The following YBX3 variants were observed in gnomAD, a reference collection of about 807,000 sequenced individuals.
YBX3 encodes the protein Y-box-binding protein 3.
In YBX3, 29 loss-of-function variants were observed where a neutral mutation model predicts 42.4. That is an observed-to-expected ratio of 0.68 (90% CI 0.51 to 0.93). The LOEUF (loss-of-function observed/expected upper bound fraction) is 0.93, where lower values mean the gene tolerates loss of function less well. YBX3 is among the 40% of genes least tolerant of loss of function. The pLI is 0.00. For missense variants in YBX3, 517 were observed against 527.5 expected (o/e 0.98, Z 0.19); for synonymous variants, 195 against 189.8 (o/e 1.03, Z -0.22).
In YBX3 at chr12:10,723,147, G is replaced by T. The variant is rs1264043487; in HGVS notation, c.-36C>A. 10 of 1,191,626 alleles carry T rather than the reference G, an allele frequency of 8.4e-6. No individual in the cohort carries two copies. Among genetic ancestry groups the T allele is most frequent in the African/African-American group, 3.2e-5 (2 of 62,518 alleles). The allele number at this position is 1,191,626 out of a possible 1,614,324, so 73.8% of individuals were successfully genotyped here. On this transcript the variant is annotated 5_prime_UTR_variant, in exon 1 of 10. Transcript: ENST00000228251. ...CCTCTGCTCTCGCTCAGGCGCCTCG[G>T]TGGCGGTTGGTCGGCGGTTAGCGCG...
intron 5 of YBX3, 161 bp from the exon 6 acceptor site, chr12:10,710,275 T>C (rs781177502): frequency 1.5e-4 from 232 of 1,505,242 alleles, no homozygotes; most frequent in Middle Eastern, 7.3e-4. Flanking sequence ...ATCATGTGAT[T>C]GCCTGGGATA....
In YBX3 at chr12:10,702,021, C is replaced by G; in HGVS notation, c.992G>C (p.Arg331Pro). 6.2e-7 allele frequency: 1 copy of G among 1,613,954 alleles called. No homozygotes were observed. Among genetic ancestry groups the G allele is most frequent in the African/African-American group, 1.3e-5 (1 of 75,038 alleles). ...NQPSVRRGYR[R>P]PYNYRRRPRP... is the part of the protein sequence containing the mutation. Reference sequence around the variant, plus strand: ...CGGGCGACGCCGGTAATTGTAGGGACGCCGGTATCCACGGCGAACAGACGG... The same window carrying G: ...CGGGCGACGCCGGTAATTGTAGGGAGGCCGGTATCCACGGCGAACAGACGG... Residue 331 changes from arginine to proline, a missense_variant, in exon 8 of 10, where the codon CGT becomes CCT. Coordinates refer to ENST00000228251, the MANE Select transcript of YBX3 (RefSeq NM_003651.5).
At chr12:10,710,553 T>C in intron 5 of YBX3, 2 of 1,194,204 alleles carry the variant, frequency 1.7e-6, no homozygotes. Context: ...CCAAGTGGTA[T>C]TCTTCCTACA....
intron 1 of YBX3, among the ~76,000 whole-genome samples, chr12:10,720,265 A>G (rs1948310035): frequency 6.6e-6 from 1 of 152,256 alleles, no homozygotes; most frequent in Admixed American, 6.5e-5. Context: ...TAAAATAGTA[A>G]TTAAGACTTG....
At position 10,713,336 on chromosome 12, in the gene YBX3, G is replaced by T. The variant is rs1000858380; in HGVS notation, c.451-3C>A. 3.7e-6 allele frequency: 6 copies of T among 1,608,944 alleles called. No individual in the cohort carries two copies. The highest frequency in any genetic ancestry group is 5.1e-6 in the Non-Finnish European group (6 of 1,178,872). On this transcript the variant is annotated splice_polypyrimidine_tract_variant and splice_region_variant and intron_variant, in intron 4 of 9. Transcript: ENST00000228251. ...GTCACATTGGCAGCTTCTGCACCCT[G>T]AGAAGAAAATAAAAAGATGGCCTCA...
intron 5 of YBX3, chr12:10,711,954 G>A (rs1442864745): frequency 1.3e-5 from 2 of 152,164 alleles, no homozygotes; most frequent in African/African-American, 2.4e-5. Flanking sequence ...ACATGATGTA[G>A]GAAATGCTAC....
chr12:10,709,301 A>G (rs1948171857), intron 6 of YBX3, among the ~76,000 whole-genome samples: 1 of 152,236 alleles, frequency 6.6e-6, no homozygotes, highest in South Asian at 2.1e-4. Context: ...TTAAGCACAA[A>G]ACAAACTCAA....
Position 10,719,138 on chromosome 12 carries a change from T to C in YBX3, c.268A>G (p.Lys90Glu), listed in dbSNP as rs760439558. Reference protein sequence around the residue: ...EDAEKKVLATKVLGTVKWFNV... With the variant: ...EDAEKKVLATEVLGTVKWFNV... The stretch of plus-strand genomic sequence containing the variant: ...AACCATTTGACAGTGCCAAGGACTT[T>C]GGTGGCTAAAATAGGATTAAGCAGA... Residue 90 changes from lysine to glutamate, a missense_variant, in exon 2 of 10, where the codon AAA becomes GAA. Physicochemically the swap from Lys to Glu is moderately conservative, Grantham distance 56. Coordinates refer to ENST00000228251, the MANE Select transcript of YBX3 (RefSeq NM_003651.5). 6.2e-7 allele frequency: 1 copy of C among 1,613,464 alleles called. No individual in the cohort carries two copies. The highest frequency in any genetic ancestry group is 1.1e-5 in the South Asian group (1 of 91,010).
In YBX3 at chr12:10,723,300, T is replaced by C. The variant is rs1348465365; in HGVS notation, c.-189A>G. ...CGAGCTTCGTGCTGCGCGCTCTCTC[T>C]TGGGCTCCTCGCTCGATCTTACTGC... On this transcript the variant is annotated 5_prime_UTR_variant, in exon 1 of 10. Transcript: ENST00000228251. 1 of 933,160 alleles carries C rather than the reference T, an allele frequency of 1.1e-6. No homozygotes were observed. Among genetic ancestry groups the C allele is most frequent in the African/African-American group, 1.7e-5 (1 of 57,378 alleles). 57.8% of individuals were successfully genotyped at this position (933,160 alleles called of 1,614,324 possible).
chr12:10,710,347 G>A, intron 5 of YBX3: 3 of 1,419,858 alleles, frequency 2.1e-6, no homozygotes, highest in Non-Finnish European at 2.7e-6. Context: ...AAAAGCAAGA[G>A]CAATCAATCT....
At chr12:10,699,772 T>TA (rs1460268121) in intron 9 of YBX3, 118 bp from the exon 10 acceptor site, 1 of 152,654 alleles carries the variant, frequency 6.6e-6, no homozygotes, top group Middle Eastern at 3.2e-3. Flanking sequence ...TCAAATGCTC[T>TA]AAATACAATC....
intron 2 of YBX3, 109 bp downstream of exon 2, chr12:10,718,971 A>C (rs1948294379): frequency 1.0e-6 from 1 of 977,086 alleles, no homozygotes; most frequent in African/African-American, 1.7e-5. Context: ...CAGTGCTTAG[A>C]AACCTAAAAA....
At chr12:10,707,012 A>T (rs10845208) in intron 6 of YBX3, among the ~76,000 whole-genome samples, 1 of 151,676 alleles carries the variant, frequency 6.6e-6, no homozygotes, top group African/African-American at 2.4e-5. Flanking sequence ...GTGAGACTCC[A>T]TCTCAAAAAA....
rs1948186347 is a variant in YBX3, at chr12:10,710,331, A to C, written c.574-217T>G. 1.0e-5 allele frequency: 15 copies of C among 1,430,012 alleles called. No individual in the cohort carries two copies. The Admixed American group carries it at 2.6e-4, about 24-fold the overall frequency. 88.6% of individuals were successfully genotyped at this position (1,430,012 alleles called of 1,614,324 possible). A position where few individuals can be genotyped will look rare whatever the true frequency, so the allele number is the denominator to read the frequency against. ...AGATCTGTGCAGATAAAATACCAAG[A>C]AGCAGAAAAGCAAGAGCAATCAATC... On this transcript the variant is annotated intron_variant, in intron 5 of 9. Coordinates refer to ENST00000228251, the MANE Select transcript of YBX3 (RefSeq NM_003651.5).
rs771755082 is a variant in YBX3, at chr12:10,719,130, A to C, written c.276T>G (p.Leu92=). 1.2e-6 allele frequency: 2 copies of C among 1,613,660 alleles called. No individual in the cohort carries two copies. Among genetic ancestry groups the C allele is most frequent in the South Asian group, 1.1e-5 (1 of 91,034 alleles). ...AEKKVLATKV[L]GTVKWFNVRN... ...TGACGTTGAACCATTTGACAGTGCC[A>C]AGGACTTTGGTGGCTAAAATAGGAT... Residue 92 remains leucine, a synonymous_variant, in exon 2 of 10, where the codon CTT becomes CTG. Transcript: ENST00000228251.
At chr12:10,709,712 T>C (rs1190751130) in intron 6 of YBX3, among the ~76,000 whole-genome samples, 196 bp downstream of exon 6, 2 of 152,238 alleles carry the variant, frequency 1.3e-5, no homozygotes, top group Non-Finnish European at 1.5e-5. Context: ...ATGGATCACG[T>C]GGTTTTGCTT....
intron 3 of YBX3, among the ~76,000 whole-genome samples, chr12:10,717,277 A>G (rs1258414774): frequency 6.6e-6 from 1 of 152,212 alleles, no homozygotes; most frequent in Non-Finnish European, 1.5e-5. Flanking sequence ...CTGCACTGCA[A>G]GAGAATGGGC....
intron 4 of YBX3, among the ~76,000 whole-genome samples, chr12:10,714,147 A>C (rs1482593128): frequency 1.3e-5 from 2 of 152,198 alleles, no homozygotes; most frequent in Non-Finnish European, 2.9e-5. Context: ...AAAGACTTAC[A>C]AGATACCCTG....
At chr12:10,715,573 ACTTC>A (rs1948251363) in intron 4 of YBX3, 117 bp downstream of exon 4, 2 of 914,784 alleles carry the variant, frequency 2.2e-6, no homozygotes, top group African/African-American at 1.7e-5. Context: ...TTTAAAAGTC[ACTTC>A]CTGCTATTGT....
Sources: allele counts gnomAD v4.1 joint callset (sites outside exome capture counted in the v4.1 genomes callset), GRCh38; gene constraint gnomAD v4.1.1; transcripts MANE v1.5; gene names NCBI Gene and HGNC (gene_info 2026-07-23, HGNC 2026-07-21).